Variants in RPS6KC1 observed in about 807,000 individuals in gnomAD.
The protein encoded by RPS6KC1 is ribosomal protein S6 kinase C1.
A neutral mutation model predicts 103.8 loss-of-function variants in RPS6KC1; 54 were observed. The observed-to-expected ratio is 0.52, with a 90% CI of 0.42 to 0.65. The LOEUF (loss-of-function observed/expected upper bound fraction) is 0.65. Among genes scored for constraint, RPS6KC1 ranks in the 30% least tolerant of loss-of-function variants. The pLI, the probability that RPS6KC1 is intolerant of heterozygous loss-of-function variation, is 0.00. For synonymous variants in RPS6KC1, 439 were observed against 438.7 expected (o/e 1.00, Z -0.01); for missense variants, 1,151 against 1,253.8 (o/e 0.92, Z 1.24).
chr1:213,532,966 G>C, the RPS6KC1 span, among the ~76,000 whole-genome samples: 3 of 152,210 alleles, frequency 2.0e-5, no homozygotes, highest in African/African-American at 7.2e-5. Flanking sequence ...CAGAGGGAGA[G>C]TGAAAGGAAG....
At chr1:213,549,612 C>CTTTTTTT in the RPS6KC1 span, among the ~76,000 whole-genome samples, 60 of 86,896 alleles carry the variant, frequency 6.9e-4, no homozygotes, top group African/African-American at 1.4e-3. Flanking sequence ...TTTTCTTTTC[C>CTTTTTTT]TTTTTTTTTT....
the RPS6KC1 span, among the ~76,000 whole-genome samples, chr1:213,427,299 T>C: frequency 6.6e-6 from 1 of 152,250 alleles, no homozygotes; most frequent in Non-Finnish European, 1.5e-5. Flanking sequence ...CACTGCATCA[T>C]ACAGAACCTT....
At chr1:213,480,581 C>A in the RPS6KC1 span, among the ~76,000 whole-genome samples, 1 of 151,858 alleles carries the variant, frequency 6.6e-6, no homozygotes, top group Admixed American at 6.6e-5. Context: ...TATCAGGATA[C>A]AATTATAAAG....
rs778638463 is a variant in RPS6KC1 at position 213,274,462 on chromosome 1, A to G, written c.*1828A>G. On this transcript the variant is annotated 3_prime_UTR_variant, in exon 15 of 15. Transcript: ENST00000366960. ...ACATTAATGTCAACAGATGGTTGCC[A>G]TGTCAGTCTGTTGACACAATTCCAT... 6.6e-6 allele frequency: 1 copy of G among 152,220 alleles called. No individual in the cohort carries two copies. Among genetic ancestry groups the G allele is most frequent in the Non-Finnish European group, 1.5e-5 (1 of 68,044 alleles). 9.4% of individuals were successfully genotyped at this position (152,220 alleles called of 1,614,324 possible).
intron 8 of RPS6KC1, among the ~76,000 whole-genome samples, chr1:213,207,896 C>T (rs1002825146): frequency 1.7e-4 from 26 of 152,238 alleles, no homozygotes; most frequent in African/African-American, 4.6e-4. Flanking sequence ...TGGTCTTGAA[C>T]GCCATACGTC....
intron 6 of RPS6KC1, among the ~76,000 whole-genome samples, chr1:213,141,293 G>T (rs964345942): frequency 1.3e-5 from 2 of 151,940 alleles, no homozygotes; most frequent in Non-Finnish European, 2.9e-5. Flanking sequence ...ATTCAGTTTT[G>T]CAACTTATTA....
rs186125025 is a variant in RPS6KC1, at chr1:213,112,577, A to G, written c.379-4740A>G. On this transcript the variant is annotated intron_variant, in intron 4 of 14. Coordinates refer to ENST00000366960, the MANE Select transcript of RPS6KC1 (RefSeq NM_012424.6). ...TATTTTTATTTATTTATTTATTATT[A>G]TTATACTTTAAGTTTTAGGGTACAT... 2.4e-3 allele frequency among the ~76,000 whole-genome samples: 368 copies of G among 150,668 alleles called. 1 individual carries two copies. The highest frequency in any genetic ancestry group is 0.02 in the Middle Eastern group (6 of 294).
chr1:213,853,977 A>T, the RPS6KC1 span, among the ~76,000 whole-genome samples: 1 of 152,200 alleles, frequency 6.6e-6, no homozygotes, highest in African/African-American at 2.4e-5. Flanking sequence ...ATTTCTTCCT[A>T]TGGTCCCTTA....
At chr1:213,079,772 A>G (rs2079687155) in intron 3 of RPS6KC1, among the ~76,000 whole-genome samples, 1 of 152,100 alleles carries the variant, frequency 6.6e-6, no homozygotes, top group Non-Finnish European at 1.5e-5. Flanking sequence ...ACACAAAGGT[A>G]GTATTGAAGA....
the RPS6KC1 span, among the ~76,000 whole-genome samples, chr1:213,304,347 T>TA: frequency 6.6e-6 from 1 of 152,124 alleles, no homozygotes; most frequent in East Asian, 1.9e-4. Flanking sequence ...TTCTCTAATT[T>TA]AAAATAATAC....
At chr1:213,080,142 T>C (rs1277419794) in intron 3 of RPS6KC1, among the ~76,000 whole-genome samples, 3 of 151,892 alleles carry the variant, frequency 2.0e-5, no homozygotes, top group Non-Finnish European at 4.4e-5. Context: ...GGTCTTGAAC[T>C]CCTGACCTCA....
At chr1:213,543,302 G>A in the RPS6KC1 span, among the ~76,000 whole-genome samples, 4 of 152,140 alleles carry the variant, frequency 2.6e-5, no homozygotes, top group African/African-American at 9.7e-5. Context: ...GGAGGCCAGC[G>A]GCACGGAGTC....
At chr1:213,654,000 A>G in the RPS6KC1 span, among the ~76,000 whole-genome samples, 1 of 152,208 alleles carries the variant, frequency 6.6e-6, no homozygotes, top group Admixed American at 6.5e-5. Context: ...CACTGATTTT[A>G]CATTCTTTCA....
the RPS6KC1 span, among the ~76,000 whole-genome samples, chr1:213,587,363 C>T: frequency 6.6e-6 from 1 of 152,242 alleles, no homozygotes; most frequent in Non-Finnish European, 1.5e-5. Flanking sequence ...TTGCTGTAGC[C>T]TCTTGTTGGT....
chr1:213,452,763 C>A, the RPS6KC1 span, among the ~76,000 whole-genome samples: 5 of 152,128 alleles, frequency 3.3e-5, no homozygotes, highest in African/African-American at 4.8e-5. Context: ...TGGCGGGATC[C>A]CACAGCCAGG....
At chr1:213,507,110 G>C in the RPS6KC1 span, among the ~76,000 whole-genome samples, 86 of 152,258 alleles carry the variant, frequency 5.6e-4, no homozygotes, top group Non-Finnish European at 7.4e-4. Context: ...CAGCATTCTG[G>C]TTGGCAAATT....
intron 3 of RPS6KC1, among the ~76,000 whole-genome samples, chr1:213,091,242 A>C (rs1043388895): frequency 6.6e-6 from 1 of 151,864 alleles, no homozygotes; most frequent in Non-Finnish European, 1.5e-5. Flanking sequence ...TTGTATTTTT[A>C]GTAGAGACGG....
At chr1:213,202,145 C>G (rs373142429) in intron 8 of RPS6KC1, among the ~76,000 whole-genome samples, 55 of 152,266 alleles carry the variant, frequency 3.6e-4, no homozygotes, top group South Asian at 6.2e-4. Context: ...ACTCAGGTCT[C>G]TTTCCAAAAC....
At chr1:213,458,210 C>T in the RPS6KC1 span, among the ~76,000 whole-genome samples, 1 of 152,194 alleles carries the variant, frequency 6.6e-6, no homozygotes, top group Non-Finnish European at 1.5e-5. Flanking sequence ...TCCATATGTA[C>T]CCAAAGTTTA....
Sources: gnomAD v4.1 joint callset for allele counts (sites outside exome capture counted in the v4.1 genomes callset) on GRCh38, gnomAD v4.1.1 for gene constraint, MANE v1.5 for transcripts, NCBI Gene and HGNC (gene_info 2026-07-23, HGNC 2026-07-21) for gene names.